Variants in SRC observed in about 807,000 individuals in gnomAD.
The protein encoded by SRC is proto-oncogene tyrosine-protein kinase Src.
In SRC, 13 loss-of-function variants were observed where a neutral mutation model predicts 62.9. That is an observed-to-expected ratio of 0.21 (90% confidence interval 0.13 to 0.33). SRC has a LOEUF of 0.33. SRC is among the 10% of genes least tolerant of loss of function. The probability of loss-of-function intolerance (pLI) is 1.00; values close to 1 mark genes in which losing one functional copy is unlikely to be tolerated. For synonymous variants in SRC, 302 were observed against 317.5 expected (o/e 0.95, Z 0.52); for missense variants, 457 against 737.3 (o/e 0.62, Z 4.40).
chr20:37,345,958 G>C (rs1343898757), upstream of SRC, among the ~76,000 whole-genome samples: 1 of 150,928 alleles, frequency 6.6e-6, no homozygotes, highest in Non-Finnish European at 1.5e-5. Context: ...GGTCTCTCCC[G>C]GGTCACCGGC....
intron 1 of SRC, among the ~76,000 whole-genome samples, chr20:37,357,521 T>G (rs1378687888): frequency 6.6e-6 from 1 of 152,204 alleles, no homozygotes; most frequent in African/African-American, 2.4e-5. Context: ...CAGCTGTTCA[T>G]TGTTTTGAAT....
intron 1 of SRC, among the ~76,000 whole-genome samples, chr20:37,349,661 G>A (rs1224915424): frequency 6.6e-6 from 1 of 152,202 alleles, no homozygotes; most frequent in Non-Finnish European, 1.5e-5. Flanking sequence ...GTCTGGCCCT[G>A]CTAGCTCTGT....
At chr20:37,355,435 C>T (rs1001644836) in intron 1 of SRC, among the ~76,000 whole-genome samples, 20 of 152,298 alleles carry the variant, frequency 1.3e-4, no homozygotes, top group East Asian at 7.7e-4. Flanking sequence ...GTGGGCATCG[C>T]GGGCAAAATA....
At chr20:37,368,797 C>T (rs1373823754) in intron 2 of SRC, among the ~76,000 whole-genome samples, 4 of 151,706 alleles carry the variant, frequency 2.6e-5, no homozygotes, top group East Asian at 1.9e-4. Context: ...GTGATCCGCC[C>T]GCCTCGGCCT....
chr20:37,367,001 G>A (rs1343422947), intron 2 of SRC, among the ~76,000 whole-genome samples: 2 of 152,082 alleles, frequency 1.3e-5, no homozygotes, highest in African/African-American at 2.4e-5. Context: ...AATGTCTGAG[G>A]GTTCCAATTT....
At chr20:37,358,278 T>A (rs1047436367) in intron 1 of SRC, among the ~76,000 whole-genome samples, 2 of 152,132 alleles carry the variant, frequency 1.3e-5, no homozygotes, top group South Asian at 4.1e-4. Context: ...AGTAAGGGCA[T>A]GTGTGTGGGC....
Position 37,403,697 on chromosome 20 carries a change from G to C in SRC, c.*318G>C. ...CAGGAGAAGGGCTGGGGCCGGGGCT[G>C]AGGGTGCCCTTTTCCAGCCTCAGCC... On this transcript the variant is annotated 3_prime_UTR_variant, in exon 14 of 14. Transcript: ENST00000373578. The surrounding 1 kb of genome is among the most constrained non-coding windows in gnomAD (Gnocchi z 7.1). 2 of 409,916 alleles carry C rather than the reference G, an allele frequency of 4.9e-6. No individual in the cohort carries two copies. Among genetic ancestry groups the C allele is most frequent in the Non-Finnish European group, 9.0e-6 (2 of 223,104 alleles). The allele number at this position is 409,916 out of a possible 1,614,324, so 25.4% of individuals were successfully genotyped here. A position where few individuals can be genotyped will look rare whatever the true frequency, so the allele number is the denominator to read the frequency against.
chr20:37,393,803 G>T, intron 5 of SRC, 92 bp from the exon 6 acceptor site: 1 of 951,096 alleles, frequency 1.1e-6, no homozygotes, highest in Non-Finnish European at 1.6e-6. Flanking sequence ...AGCCACTAGA[G>T]CCCTGAGCAC....
chr20:37,384,381 G>A lies in SRC; in HGVS notation c.228G>A (p.Pro76=), dbSNP rs1359556885. 2.1e-6 allele frequency: 3 copies of A among 1,450,352 alleles called. No homozygotes were observed. The highest frequency in any genetic ancestry group is 2.7e-6 in the Non-Finnish European group (3 of 1,106,786). The allele number at this position is 1,450,352 out of a possible 1,614,324, so 89.8% of individuals were successfully genotyped here. ...GFNSSDTVTS[P]QRAGPLAGGV... ...ACTCCTCGGACACCGTCACCTCCCCGCAGAGGGCGGGCCCGCTGGCCGGTC... is the reference window on the plus strand; with the variant it reads ...ACTCCTCGGACACCGTCACCTCCCCACAGAGGGCGGGCCCGCTGGCCGGTC... The change falls in exon 4 of 14, where the codon CCG becomes CCA. Residue 76 remains proline, a synonymous_variant. Coordinates refer to ENST00000373578, the MANE Select transcript of SRC (RefSeq NM_198291.3). The surrounding 1 kb of genome is among the most constrained non-coding windows in gnomAD (Gnocchi z 6.7).
intron 1 of SRC, among the ~76,000 whole-genome samples, chr20:37,348,105 G>T (rs1444630669): frequency 6.6e-6 from 1 of 152,162 alleles, no homozygotes; most frequent in Non-Finnish European, 1.5e-5. Flanking sequence ...CCTAAACTGT[G>T]TCCCTCCCAG....
intron 1 of SRC, among the ~76,000 whole-genome samples, chr20:37,360,361 C>T (rs1160261719): frequency 6.6e-6 from 1 of 151,512 alleles, no homozygotes; most frequent in Non-Finnish European, 1.5e-5. Context: ...GTAGCTGGGA[C>T]TACAGGCGCA....
At chr20:37,401,746 A>C in intron 11 of SRC, 68 bp downstream of exon 11, 1 of 1,241,046 alleles carries the variant, frequency 8.1e-7, no homozygotes, top group Non-Finnish European at 1.1e-6. Context: ...TGGTGCAGCC[A>C]GTTCTGGCCT....
At chr20:37,376,889 G>C (rs753344777) in intron 2 of SRC, among the ~76,000 whole-genome samples, 8 of 152,238 alleles carry the variant, frequency 5.3e-5, no homozygotes, top group Non-Finnish European at 1.0e-4. Flanking sequence ...GTTGCCCTCT[G>C]ACCCCTGTGT....
chr20:37,401,759 T>C, intron 11 of SRC, 81 bp downstream of exon 11: 1 of 1,018,420 alleles, frequency 9.8e-7, no homozygotes, highest in African/African-American at 1.6e-5. Flanking sequence ...TCTGGCCTCT[T>C]GAGTGCCCCC....
chr20:37,394,738 C>T lies in SRC; in HGVS notation c.553+461C>T, dbSNP rs554785508. Reference sequence around the variant, plus strand: ...AGAGAATGAAGACCATCCCCTTTCTCTCCAGCCCCTCTGAAAGTGGGTTGC... The same window carrying T: ...AGAGAATGAAGACCATCCCCTTTCTTTCCAGCCCCTCTGAAAGTGGGTTGC... On this transcript the variant is annotated intron_variant, in intron 7 of 13. Coordinates refer to ENST00000373578, the MANE Select transcript of SRC (RefSeq NM_198291.3). Among the ~76,000 whole-genome samples the T allele has an allele frequency of 1.8e-4, 28 of 152,290 alleles. No individual in the cohort carries two copies. The East Asian group carries it at 3.9e-3, about 21-fold the overall frequency.
At chr20:37,371,359 G>T (rs553460746) in intron 2 of SRC, among the ~76,000 whole-genome samples, 1 of 152,160 alleles carries the variant, frequency 6.6e-6, no homozygotes, top group South Asian at 2.1e-4. Flanking sequence ...TATCTAGTTT[G>T]TTGACATAGA....
In SRC at chr20:37,393,886, C is replaced by T. The variant is rs2070593706; in HGVS notation, c.351-9C>T. ...TTCTCCTTTCCTCCCTCCTTCTGTC[C>T]CTGCTCAGAGAGGGAGACTGGTGGC... On this transcript the variant is annotated splice_polypyrimidine_tract_variant and intron_variant, in intron 5 of 13. Coordinates refer to ENST00000373578, the MANE Select transcript of SRC (RefSeq NM_198291.3). 5 of 1,606,968 alleles carry T rather than the reference C, an allele frequency of 3.1e-6. No homozygotes were observed. Among genetic ancestry groups the T allele is most frequent in the Non-Finnish European group, 3.4e-6 (4 of 1,173,872 alleles).
chr20:37,394,551 A>T (rs1177727311), intron 7 of SRC, among the ~76,000 whole-genome samples: 1 of 152,126 alleles, frequency 6.6e-6, no homozygotes, highest in African/African-American at 2.4e-5. Flanking sequence ...TCTGAGTGTC[A>T]CACAGTAACA....
At chr20:37,348,946 T>C (rs1235980283) in intron 1 of SRC, among the ~76,000 whole-genome samples, 1 of 151,776 alleles carries the variant, frequency 6.6e-6, no homozygotes. Flanking sequence ...GGAGAATCAG[T>C]GGGGGAAGCT....
Sources: allele counts gnomAD v4.1 joint callset (sites outside exome capture counted in the v4.1 genomes callset), GRCh38; gene constraint gnomAD v4.1.1; non-coding constraint Gnocchi (gnomAD v3.1); transcripts MANE v1.5; gene names NCBI Gene and HGNC (gene_info 2026-07-23, HGNC 2026-07-21).